Variants in RTN4 observed in about 807,000 individuals in gnomAD.
RTN4 encodes reticulon-4.
In RTN4, 32 loss-of-function variants were observed where a neutral mutation model predicts 90.4. That is an observed-to-expected ratio of 0.35 (90% CI 0.27 to 0.48). RTN4 has a LOEUF of 0.48. RTN4 is among the 20% of genes least tolerant of loss of function. The pLI, the probability that RTN4 is intolerant of heterozygous loss-of-function variation, is 0.99. For missense variants in RTN4, 1,706 were observed against 1,430.2 expected (o/e 1.19, Z -3.11); for synonymous variants, 629 against 552.5 (o/e 1.14, Z -1.94).
intron 3 of RTN4, among the ~76,000 whole-genome samples, chr2:54,998,963 T>C (rs1679657220): frequency 6.6e-6 from 1 of 152,200 alleles, no homozygotes; most frequent in Non-Finnish European, 1.5e-5. Context: ...TTCTGTGGCC[T>C]CAACCTTACT....
chr2:54,991,495 G>A (rs1348939894), intron 3 of RTN4, among the ~76,000 whole-genome samples: 3 of 152,130 alleles, frequency 2.0e-5, no homozygotes, highest in African/African-American at 4.8e-5. Context: ...TTTTGGATAC[G>A]ACTCCAACCT....
intron 1 of RTN4, among the ~76,000 whole-genome samples, chr2:55,086,359 A>G (rs896677061): frequency 6.6e-6 from 1 of 152,120 alleles, no homozygotes; most frequent in Non-Finnish European, 1.5e-5. Context: ...TACCAAGATC[A>G]AGAAATAGAA....
At chr2:54,999,701 T>A (rs1206710612) in intron 3 of RTN4, among the ~76,000 whole-genome samples, 1 of 152,080 alleles carries the variant, frequency 6.6e-6, no homozygotes, top group Non-Finnish European at 1.5e-5. Flanking sequence ...AATAAGTAAT[T>A]ATATATTTAT....
intron 4 of RTN4, among the ~76,000 whole-genome samples, chr2:54,982,921 AT>A (rs1678260145): frequency 6.6e-6 from 1 of 152,194 alleles, no homozygotes; most frequent in African/African-American, 2.4e-5. Flanking sequence ...TGGCTAGGTA[AT>A]TTTGCAAAGT....
upstream of RTN4, among the ~76,000 whole-genome samples, chr2:55,055,144 G>A (rs898574052): frequency 2.0e-5 from 3 of 151,750 alleles, no homozygotes; most frequent in African/African-American, 7.3e-5. Context: ...TTAGAAATTA[G>A]GCTATTTGAA....
chr2:55,065,354 T>G (rs1668371018), intron 2 of RTN4, among the ~76,000 whole-genome samples: 1 of 152,206 alleles, frequency 6.6e-6, no homozygotes, highest in African/African-American at 2.4e-5. Context: ...GATGAATGTG[T>G]TATACTACCT....
intron 5 of RTN4, 54 bp downstream of exon 5, chr2:54,982,461 T>A: frequency 1.3e-6 from 2 of 1,486,582 alleles, no homozygotes; most frequent in East Asian, 2.3e-5. Flanking sequence ...TACACTCAAC[T>A]CTCTTGATAC....
chr2:55,087,093 G>T (rs1668855129), intron 1 of RTN4, among the ~76,000 whole-genome samples: 1 of 152,156 alleles, frequency 6.6e-6, no homozygotes. Context: ...GCATTCTATT[G>T]TATAATGTAC....
At chr2:55,067,546 G>A (rs960775269) in intron 2 of RTN4, among the ~76,000 whole-genome samples, 1 of 152,018 alleles carries the variant, frequency 6.6e-6, no homozygotes, top group Non-Finnish European at 1.5e-5. Flanking sequence ...CCAAGTAGCT[G>A]GGATTACAGG....
rs6726158 is a variant in RTN4, at chr2:55,012,066, G to A, written c.3013+13020C>T. Reference sequence around the variant, plus strand: ...TTAAAACTGAAAGCCAATAAATAACGAGCATTAGAATAAAACACTCAACTA... The same window carrying A: ...TTAAAACTGAAAGCCAATAAATAACAAGCATTAGAATAAAACACTCAACTA... On this transcript the variant is annotated intron_variant, in intron 3 of 8. Transcript: ENST00000337526. 5.3e-5 allele frequency among the ~76,000 whole-genome samples: 8 copies of A among 152,054 alleles called. No homozygotes were observed. In the East Asian group the frequency reaches 1.5e-3, roughly 29 times the overall value.
intron 3 of RTN4, among the ~76,000 whole-genome samples, chr2:55,011,768 G>A (rs1367664753): frequency 6.6e-6 from 1 of 152,058 alleles, no homozygotes; most frequent in African/African-American, 2.4e-5. Context: ...AAAGGAAGTG[G>A]CTTGAATATC....
At chr2:55,124,410 C>G in the RTN4 span, among the ~76,000 whole-genome samples, 4 of 152,170 alleles carry the variant, frequency 2.6e-5, no homozygotes, top group Non-Finnish European at 5.9e-5. Context: ...CAAAGGAAAA[C>G]AAAGAGGTGG....
At chr2:55,083,813 T>C (rs1053567512) in intron 1 of RTN4, among the ~76,000 whole-genome samples, 1 of 152,204 alleles carries the variant, frequency 6.6e-6, no homozygotes, top group African/African-American at 2.4e-5. Context: ...AGCATATATT[T>C]GGTCTGACCC....
At chr2:54,996,903 A>G (rs1679473303) in intron 3 of RTN4, among the ~76,000 whole-genome samples, 1 of 152,190 alleles carries the variant, frequency 6.6e-6, no homozygotes, top group African/African-American at 2.4e-5. Context: ...TGTAAGCATC[A>G]GTCACAGCAC....
At chr2:55,134,161 A>C in the RTN4 span, among the ~76,000 whole-genome samples, 3 of 152,120 alleles carry the variant, frequency 2.0e-5, no homozygotes, top group Non-Finnish European at 4.4e-5. Context: ...AATTTATTAT[A>C]ATTAGTGTAT....
At chr2:55,065,867 G>A (rs1422184626) in intron 2 of RTN4, among the ~76,000 whole-genome samples, 1 of 152,124 alleles carries the variant, frequency 6.6e-6, no homozygotes, top group Non-Finnish European at 1.5e-5. Context: ...GTGGGATGCT[G>A]GAACTACTCT....
chr2:55,002,881 G>A (rs952197902), intron 3 of RTN4, among the ~76,000 whole-genome samples: 2 of 152,110 alleles, frequency 1.3e-5, no homozygotes, highest in African/African-American at 2.4e-5. Context: ...TAAGTTACTA[G>A]AATTGATCAA....
chr2:54,987,451 C>A (rs768970268), intron 4 of RTN4, 40 bp downstream of exon 4: 1 of 1,364,382 alleles, frequency 7.3e-7, no homozygotes, highest in Admixed American at 1.7e-5. Context: ...ATCCTGTTTA[C>A]ACTATTGCCA....
intron 3 of RTN4, among the ~76,000 whole-genome samples, chr2:54,997,936 G>C (rs1224023073): frequency 2.0e-5 from 3 of 151,970 alleles, no homozygotes; most frequent in African/African-American, 4.8e-5. Flanking sequence ...AGTATATATA[G>C]GGTTCAGTCC....
Sources: gnomAD v4.1 joint callset for allele counts (sites outside exome capture counted in the v4.1 genomes callset) on GRCh38, gnomAD v4.1.1 for gene constraint, MANE v1.5 for transcripts, NCBI Gene and HGNC (gene_info 2026-07-23, HGNC 2026-07-21) for gene names.